AEBP2: variants seen among roughly 807,000 people sequenced by gnomAD.
AEBP2 encodes the protein zinc finger protein AEBP2.
Under a neutral mutation model 50.8 loss-of-function variants are expected in AEBP2, and 10 were observed. The observed-to-expected ratio is 0.20, with a 90% confidence interval of 0.12 to 0.33. The LOEUF (loss-of-function observed/expected upper bound fraction) is 0.33. Ranked by LOEUF, AEBP2 falls within the 10% of genes least tolerant of loss-of-function variation. The probability of loss-of-function intolerance (pLI) is 1.00; values close to 1 mark genes in which losing one functional copy is unlikely to be tolerated. For synonymous variants in AEBP2, 296 were observed against 261.3 expected (o/e 1.13, Z -1.28); for missense variants, 570 against 688.0 (o/e 0.83, Z 1.92).
At chr12:19,424,389 A>G (rs1316700059) in intron 1 of AEBP2, among the ~76,000 whole-genome samples, 1 of 151,936 alleles carries the variant, frequency 6.6e-6, no homozygotes, top group African/African-American at 2.4e-5. Context: ...AGTAAAGGCT[A>G]AGATGTCTTT....
chr12:19,457,399 T>TG, intron 1 of AEBP2: 1 of 1,454,398 alleles, frequency 6.9e-7, no homozygotes, highest in Non-Finnish European at 9.4e-7. Flanking sequence ...ACGTAGCACT[T>TG]GCTGTTCTCA....
At chr12:19,501,873 G>A (rs979874091) in intron 5 of AEBP2, among the ~76,000 whole-genome samples, 4 of 127,284 alleles carry the variant, frequency 3.1e-5, no homozygotes, top group African/African-American at 5.8e-5. Flanking sequence ...CAGGTTCTGC[G>A]ACCGTGGTTA....
At chr12:19,479,717 GTTTTTTTTTTTTTTTTTTTTTT>G (rs369410408) in intron 3 of AEBP2, among the ~76,000 whole-genome samples, 1 of 22,314 alleles carries the variant, frequency 4.5e-5, no homozygotes, top group African/African-American at 1.6e-4. Flanking sequence ...CTCTTTGTGG[GTTTTTTTTTTTTTTTTTTTTTT>G]TTTTTTTTTA....
At chr12:19,451,396 C>A (rs1948164058) in intron 1 of AEBP2, among the ~76,000 whole-genome samples, 3 of 152,172 alleles carry the variant, frequency 2.0e-5, no homozygotes, top group Admixed American at 2.0e-4. Context: ...TCTCAGGCAT[C>A]CCTCTCTAGC....
intron 5 of AEBP2, among the ~76,000 whole-genome samples, chr12:19,501,740 T>C (rs528279776): frequency 2.0e-5 from 3 of 151,054 alleles, no homozygotes; most frequent in East Asian, 3.9e-4. Context: ...CTTATTGATA[T>C]CAATATGTTG....
At chr12:19,501,214 C>T (rs1268481391) in intron 5 of AEBP2, among the ~76,000 whole-genome samples, 5 of 151,780 alleles carry the variant, frequency 3.3e-5, no homozygotes, top group Non-Finnish European at 7.4e-5. Flanking sequence ...ATCTGCAATC[C>T]CAGTTACTTG....
chr12:19,448,851 T>C (rs1592723299), intron 1 of AEBP2, among the ~76,000 whole-genome samples: 1 of 152,158 alleles, frequency 6.6e-6, no homozygotes, highest in East Asian at 1.9e-4. Context: ...AGCTGCTTTT[T>C]TCATTTTTTG....
chr12:19,512,032 GTTTTTTTTT>G (rs917418000), intron 5 of AEBP2, among the ~76,000 whole-genome samples: 1 of 147,598 alleles, frequency 6.8e-6, no homozygotes, highest in Non-Finnish European at 1.5e-5. Context: ...AGGGGTGAAA[GTTTTTTTTT>G]TTCTCTGAGA....
chr12:19,502,163 C>G (rs1280738434), intron 5 of AEBP2, among the ~76,000 whole-genome samples: 2 of 152,060 alleles, frequency 1.3e-5, no homozygotes, highest in African/African-American at 4.8e-5. Flanking sequence ...GAGACAGAGT[C>G]TTGCTCTGTT....
chr12:19,413,376 A>C, intron 1 of AEBP2: 2 of 1,048,094 alleles, frequency 1.9e-6, no homozygotes, highest in Non-Finnish European at 3.0e-6. Context: ...TCCTTTAAAA[A>C]GTAAGCCAAC....
chr12:19,439,866 C>T lies in AEBP2; in HGVS notation c.167C>T (p.Ala56Val). The T allele has an allele frequency of 1.4e-6, 2 of 1,480,018 alleles. No homozygotes were observed. The highest frequency in any genetic ancestry group is 1.8e-6 in the Non-Finnish European group (2 of 1,125,066). The allele number at this position is 1,480,018 out of a possible 1,614,324, so 91.7% of individuals were successfully genotyped here. A position where few individuals can be genotyped will look rare whatever the true frequency, so the allele number is the denominator to read the frequency against. ...EEEAEAEAVA[A>V]LLLNGGSGGG... The stretch of plus-strand genomic sequence containing the variant: ...GAGGCGGAGGCCGAGGCGGTGGCGG[C>T]GCTGCTGCTGAACGGCGGCAGCGGT... Residue 56 changes from alanine to valine, a missense_variant, in exon 1 of 8, where the codon GCG (alanine) becomes GTG (valine). Ala to Val is a moderately conservative substitution (Grantham distance 64). Coordinates refer to ENST00000266508, the MANE Select transcript of AEBP2 (RefSeq NM_153207.5).
chr12:19,486,152 A>G (rs987028948), intron 3 of AEBP2, among the ~76,000 whole-genome samples: 1 of 151,980 alleles, frequency 6.6e-6, no homozygotes, highest in Non-Finnish European at 1.5e-5. Context: ...CCCTCCACCC[A>G]TCTGCCCAGA....
At chr12:19,500,070 T>C in intron 4 of AEBP2, 27 bp from the exon 5 acceptor site, 2 of 1,579,422 alleles carry the variant, frequency 1.3e-6, no homozygotes, top group Non-Finnish European at 1.7e-6. Flanking sequence ...TTTCTAAATA[T>C]TCTTTACTTT....
chr12:19,483,501 C>T (rs921541481), intron 3 of AEBP2, among the ~76,000 whole-genome samples: 1 of 152,040 alleles, frequency 6.6e-6, no homozygotes, highest in African/African-American at 2.4e-5. Flanking sequence ...TTTCGGTTTG[C>T]CTGGTATATT....
chr12:19,508,491 T>A (rs1326537896), intron 5 of AEBP2, among the ~76,000 whole-genome samples: 1 of 152,214 alleles, frequency 6.6e-6, no homozygotes, highest in Non-Finnish European at 1.5e-5. Flanking sequence ...ATTAAAAAAA[T>A]TGAGATTAAG....
chr12:19,503,416 G>C (rs112110092), intron 5 of AEBP2, among the ~76,000 whole-genome samples: 2,102 of 151,786 alleles, frequency 0.014, 40 homozygotes, highest in African/African-American at 0.048. Context: ...GTGTTATTGG[G>C]GTATAGAAAT....
intron 5 of AEBP2, among the ~76,000 whole-genome samples, chr12:19,509,564 G>C (rs924218966): frequency 6.6e-6 from 1 of 151,966 alleles, no homozygotes; most frequent in Non-Finnish European, 1.5e-5. Context: ...TGGGCAAAAT[G>C]GTAAAACCCC....
At chr12:19,476,886 C>G (rs1801749313) in intron 3 of AEBP2, among the ~76,000 whole-genome samples, 1 of 152,130 alleles carries the variant, frequency 6.6e-6, no homozygotes, top group Non-Finnish European at 1.5e-5. Context: ...TGCGTTGAAT[C>G]TGTAGATTGC....
chr12:19,407,452 C>T (rs879816759), intron 1 of AEBP2, among the ~76,000 whole-genome samples: 2 of 152,022 alleles, frequency 1.3e-5, no homozygotes, highest in Non-Finnish European at 2.9e-5. Flanking sequence ...TACAGGCGCA[C>T]GCCACCATGC....
Sources: gnomAD v4.1 joint callset for allele counts (sites outside exome capture counted in the v4.1 genomes callset) on GRCh38, gnomAD v4.1.1 for gene constraint, MANE v1.5 for transcripts, NCBI Gene and HGNC (gene_info 2026-07-23, HGNC 2026-07-21) for gene names.